Variants in HTR4 observed in about 807,000 individuals in gnomAD.
HTR4 encodes 5-hydroxytryptamine (serotonin) receptor 4, G protein-coupled.
In HTR4, 16 loss-of-function variants were observed where a neutral mutation model predicts 36.8. The observed-to-expected ratio is 0.43, with a 90% CI of 0.29 to 0.66. The LOEUF (loss-of-function observed/expected upper bound fraction) is 0.66. HTR4 is among the 30% of genes least tolerant of loss of function. HTR4 has a pLI of 0.13. For synonymous variants in HTR4, 189 were observed against 185.1 expected, an observed-to-expected ratio of 1.02 and a Z score of -0.17; for missense variants, 438 against 490.9, an observed-to-expected ratio of 0.89 and a Z score of 1.02.
In HTR4 at chr5:148,483,012, G is replaced by C; in HGVS notation, c.*191C>G. On this transcript the variant is annotated 3_prime_UTR_variant, in exon 7 of 7. Transcript: ENST00000377888. The stretch of plus-strand genomic sequence containing the variant: ...AAAAAGTGAACAAGGAGGCCATTAT[G>C]TCCCCTGACTCCCTCCAGCGCCACC... The C allele has an allele frequency of 6.3e-6, 9 of 1,438,730 alleles. No homozygotes were observed. The highest frequency in any genetic ancestry group is 8.2e-6 in the Non-Finnish European group (9 of 1,093,336). The allele number at this position is 1,438,730 out of a possible 1,614,324, so 89.1% of individuals were successfully genotyped here.
intron 2 of HTR4, among the ~76,000 whole-genome samples, chr5:148,605,446 T>C (rs1311360034): frequency 6.6e-6 from 1 of 151,424 alleles, no homozygotes; most frequent in Admixed American, 6.6e-5. Context: ...TTTGTAGAGA[T>C]GGGGTTTCAC....
At chr5:148,497,014 A>T (rs1409224415) in intron 6 of HTR4, among the ~76,000 whole-genome samples, 1 of 152,190 alleles carries the variant, frequency 6.6e-6, no homozygotes, top group East Asian at 1.9e-4. Context: ...TCAAAAGGAA[A>T]ATCTGGGTTT....
At chr5:148,534,094 T>C (rs1428166817) in intron 4 of HTR4, among the ~76,000 whole-genome samples, 1 of 152,204 alleles carries the variant, frequency 6.6e-6, no homozygotes, top group Admixed American at 6.5e-5. Context: ...TAATCATACA[T>C]TGTCGCTTAA....
chr5:148,556,262 G>C (rs1759947708), intron 2 of HTR4, among the ~76,000 whole-genome samples: 1 of 152,190 alleles, frequency 6.6e-6, no homozygotes, highest in South Asian at 2.1e-4. Context: ...GACCTCAGGT[G>C]ATCTGCCCGC....
intron 5 of HTR4, among the ~76,000 whole-genome samples, chr5:148,457,998 CTT>C (rs1755155316): frequency 7.8e-6 from 1 of 127,504 alleles, no homozygotes; most frequent in Non-Finnish European, 1.6e-5. Flanking sequence ...TTTAATATAT[CTT>C]AAGATATATT....
downstream of HTR4, among the ~76,000 whole-genome samples, chr5:148,473,251 G>T (rs547631463): frequency 1.8e-3 from 271 of 148,662 alleles, 1 homozygote; most frequent in African/African-American, 6.2e-3. Context: ...GCAGTGAGCC[G>T]AGATCGCGCC....
At chr5:148,607,363 T>C (rs572014339) in intron 2 of HTR4, among the ~76,000 whole-genome samples, 180 of 152,316 alleles carry the variant, frequency 1.2e-3, no homozygotes, top group Middle Eastern at 6.8e-3. Flanking sequence ...GCTTCAATGT[T>C]GGCCTAGCCT....
intron 2 of HTR4, among the ~76,000 whole-genome samples, chr5:148,555,019 T>C (rs1222473722): frequency 6.6e-6 from 1 of 151,662 alleles, no homozygotes; most frequent in African/African-American, 2.4e-5. Context: ...AATTATATGC[T>C]TAAAATGCTT....
chr5:148,651,074 G>T (rs552196173), intron 1 of HTR4, among the ~76,000 whole-genome samples: 1 of 152,244 alleles, frequency 6.6e-6, no homozygotes, highest in Non-Finnish European at 1.5e-5. Context: ...TTGAGTTACC[G>T]CATTGCTAAA....
chr5:148,459,633 C>T (rs1755214573), intron 5 of HTR4, among the ~76,000 whole-genome samples: 1 of 152,140 alleles, frequency 6.6e-6, no homozygotes, highest in African/African-American at 2.4e-5. Flanking sequence ...CCCCGCATAC[C>T]TTAACACCAT....
intron 5 of HTR4, among the ~76,000 whole-genome samples, chr5:148,460,962 T>C (rs1755262347): frequency 6.6e-6 from 1 of 151,976 alleles, no homozygotes; most frequent in Non-Finnish European, 1.5e-5. Flanking sequence ...ATGACAGCAA[T>C]GAAATAAGGG....
chr5:148,609,488 A>C (rs1752317827), intron 2 of HTR4, among the ~76,000 whole-genome samples: 1 of 152,224 alleles, frequency 6.6e-6, no homozygotes, highest in Non-Finnish European at 1.5e-5. Flanking sequence ...AATGTGTTCC[A>C]ATACTAGAAA....
At chr5:148,589,157 A>G (rs757046134) in intron 2 of HTR4, among the ~76,000 whole-genome samples, 1 of 152,296 alleles carries the variant, frequency 6.6e-6, no homozygotes, top group Middle Eastern at 3.4e-3. Context: ...CAATAAACAT[A>G]CCTGTGCACA....
At chr5:148,526,442 T>C (rs1368390) in intron 4 of HTR4, among the ~76,000 whole-genome samples, 23,203 of 152,126 alleles carry the variant, frequency 0.15, 3,161 homozygotes, top group African/African-American at 0.36. Context: ...ATCTTTGTTG[T>C]GTAATCAATA....
chr5:148,536,996 A>G (rs1169865903), intron 4 of HTR4, among the ~76,000 whole-genome samples: 1 of 152,152 alleles, frequency 6.6e-6, no homozygotes, highest in Non-Finnish European at 1.5e-5. Context: ...ACATAAAACA[A>G]TCCTCAACAA....
intron 1 of HTR4, among the ~76,000 whole-genome samples, chr5:148,639,491 T>C (rs1489377143): frequency 6.6e-6 from 1 of 151,888 alleles, no homozygotes; most frequent in Non-Finnish European, 1.5e-5. Context: ...ACTCTCTCAC[T>C]TCCTTAGGGG....
chr5:148,515,980 T>G (rs1757730326), intron 5 of HTR4, among the ~76,000 whole-genome samples: 2 of 141,068 alleles, frequency 1.4e-5, no homozygotes, highest in Admixed American at 1.5e-4. Flanking sequence ...TATATATATA[T>G]GTAACATATA....
At chr5:148,534,848 TA>T (rs1210262158) in intron 4 of HTR4, among the ~76,000 whole-genome samples, 1 of 151,988 alleles carries the variant, frequency 6.6e-6, no homozygotes, top group Non-Finnish European at 1.5e-5. Flanking sequence ...CAACCACTAC[TA>T]AGGTCCCTTC....
chr5:148,556,323 C>T (rs1311640907), intron 2 of HTR4, among the ~76,000 whole-genome samples: 1 of 152,198 alleles, frequency 6.6e-6, no homozygotes, highest in African/African-American at 2.4e-5. Context: ...CACGCCCAGA[C>T]TTTATTGTTA....
Sources: allele counts gnomAD v4.1 joint callset (sites outside exome capture counted in the v4.1 genomes callset), GRCh38; gene constraint gnomAD v4.1.1; transcripts MANE v1.5; gene names NCBI Gene and HGNC (gene_info 2026-07-23, HGNC 2026-07-21).